Variants in LCE2C observed in about 807,000 individuals in gnomAD.
The protein encoded by LCE2C is late cornified envelope protein 2C.
For missense variants in LCE2C, 179 were observed against 141.3 expected (o/e 1.27, Z -1.35); for synonymous variants, 57 against 51.0 (o/e 1.12, Z -0.50).
rs773484222 is a variant in LCE2C, at chr1:152,676,357, A to G, written c.*9A>G. The G allele has an allele frequency of 9.4e-6, 15 of 1,602,634 alleles. No individual in the cohort carries two copies. The South Asian group carries it at 1.0e-4, about 11-fold the overall frequency. On this transcript the variant is annotated 3_prime_UTR_variant, in exon 2 of 2. Transcript: ENST00000368783. ...CTGGGGGCTGCTGCTGACCTGGGCT[A>G]CAGAAGAGCTCTTGGGACTGAATGG...
intron 1 of LCE2C, 34 bp from the exon 2 acceptor site, chr1:152,675,961 G>C: frequency 6.3e-7 from 1 of 1,593,802 alleles, no homozygotes. Context: ...TCCTTGGTTT[G>C]AAATATTTAA....
At chr1:152,675,820 A>T (rs1038936971) in intron 1 of LCE2C, among the ~76,000 whole-genome samples, 175 bp from the exon 2 acceptor site, 3 of 152,114 alleles carry the variant, frequency 2.0e-5, no homozygotes, top group African/African-American at 7.2e-5. Context: ...CATTCTGTTG[A>T]TTTTTTATCT....
At chr1:152,675,582 G>T (rs1426878200) in intron 1 of LCE2C, among the ~76,000 whole-genome samples, 1 of 152,152 alleles carries the variant, frequency 6.6e-6, no homozygotes, top group African/African-American at 2.4e-5. Context: ...GCTGTGTTGG[G>T]CATATTTACA....
Position 152,676,102 on chromosome 1 carries a change from C to T in LCE2C, c.87C>T (p.Pro29=), listed in dbSNP as rs1350311584. The part of the protein sequence containing the change: ...KCTPKCPPKC[P]PKCPPQCPAP... ...CCCCAAAATGTCCACCTAAGTGTCC[C>T]CCCAAATGCCCACCACAGTGCCCAG... Residue 29 remains proline (P), a synonymous_variant, in exon 2 of 2, where the codon CCC becomes CCT. Transcript: ENST00000368783. The T allele has an allele frequency of 6.2e-6, 10 of 1,614,086 alleles. No homozygotes were observed. The highest frequency in any genetic ancestry group is 8.5e-6 in the Non-Finnish European group (10 of 1,180,052).
chr1:152,675,284 C>T lies in LCE2C; in HGVS notation c.-66C>T, dbSNP rs959195288. ...ACATCCAGCTTCAGCATCTCATCTG[C>T]TCTGACTCCCCAGGGACGTGTCTGT... On this transcript the variant is annotated 5_prime_UTR_variant, in exon 1 of 2. Transcript: ENST00000368783. The T allele has an allele frequency of 6.6e-6, 1 of 152,470 alleles. No individual in the cohort carries two copies. The highest frequency in any genetic ancestry group is 1.9e-4 in the East Asian group (1 of 5,188). 9.4% of individuals were successfully genotyped at this position (152,470 alleles called of 1,614,324 possible).
Position 152,676,247 on chromosome 1 carries a change from C to A in LCE2C, c.232C>A (p.Pro78Thr), listed in dbSNP as rs767003504. Residue 78 changes from proline to threonine, a missense_variant, in exon 2 of 2, where the codon CCC becomes ACC. Pro to Thr is a conservative substitution (Grantham distance 38). Coordinates refer to ENST00000368783, the MANE Select transcript of LCE2C (RefSeq NM_178429.5). ...AGGCSLSHHR[P>T]RLFHRRRHQS... The stretch of plus-strand genomic sequence containing the variant: ...TGGCTGCTCCCTGAGCCACCACAGG[C>A]CCCGTCTCTTCCACCGGCGCCGGCA... 2 of 1,613,722 alleles carry A rather than the reference C, an allele frequency of 1.2e-6. No individual in the cohort carries two copies. Among genetic ancestry groups the A allele is most frequent in the East Asian group, 4.5e-5 (2 of 44,864 alleles).
chr1:152,676,091 C>T lies in LCE2C; in HGVS notation c.76C>T (p.Pro26Ser). The T allele has an allele frequency of 3.7e-6, 6 of 1,614,182 alleles. No homozygotes were observed. The highest frequency in any genetic ancestry group is 4.2e-6 in the Non-Finnish European group (5 of 1,180,020). Residue 26 changes from proline to serine, a missense_variant, in exon 2 of 2, where the codon CCT becomes TCT. Coordinates refer to ENST00000368783, the MANE Select transcript of LCE2C (RefSeq NM_178429.5). ...TCCCAAGTGTACCCCAAAATGTCCA[C>T]CTAAGTGTCCCCCCAAATGCCCACC... is the stretch of plus-strand genomic sequence containing the variant. Reference protein sequence around the residue: ...CPPKCTPKCPPKCPPKCPPQC... With the variant: ...CPPKCTPKCPSKCPPKCPPQC...
rs1648836499 is a variant in LCE2C, at chr1:152,676,006, T to C, written c.-10T>C. The C allele has an allele frequency of 1.2e-6, 2 of 1,613,288 alleles. No individual in the cohort carries two copies. The highest frequency in any genetic ancestry group is 2.7e-5 in the African/African-American group (2 of 74,276). On this transcript the variant is annotated 5_prime_UTR_variant, in exon 2 of 2. Transcript: ENST00000368783. ...TTATTATCTTTCAGGTTGACTAAACTCCTGCCAGCATGTCTTGCCAGCAAA... is the reference window on the plus strand; with the variant it reads ...TTATTATCTTTCAGGTTGACTAAACCCCTGCCAGCATGTCTTGCCAGCAAA...
chr1:152,675,493 C>T (rs1648822257), intron 1 of LCE2C, among the ~76,000 whole-genome samples, 165 bp downstream of exon 1: 1 of 152,194 alleles, frequency 6.6e-6, no homozygotes, highest in Non-Finnish European at 1.5e-5. Flanking sequence ...TACCGGAGCT[C>T]ATATAGGTGG....
chr1:152,675,749 C>A (rs1648828976), intron 1 of LCE2C, among the ~76,000 whole-genome samples: 1 of 152,170 alleles, frequency 6.6e-6, no homozygotes, highest in Non-Finnish European at 1.5e-5. Flanking sequence ...TGTGAATACT[C>A]TATTCGGGCT....
At chr1:152,675,855 T>C (rs1648831552) in intron 1 of LCE2C, 140 bp from the exon 2 acceptor site, 2 of 1,017,926 alleles carry the variant, frequency 2.0e-6, no homozygotes, top group African/African-American at 1.6e-5. Flanking sequence ...AGAGGAAAGA[T>C]TCAAGTTGTT....
rs139225775 is a variant in LCE2C at position 152,676,307 on chromosome 1, G to T, written c.292G>T (p.Gly98Trp). The T allele has an allele frequency of 5.2e-5, 84 of 1,613,268 alleles. No individual in the cohort carries two copies. In the African/African-American group the frequency reaches 1.0e-3, roughly 19 times the overall value. Residue 98 changes from glycine (G) to tryptophan (W), a missense_variant, in exon 2 of 2, where the codon GGG (glycine) becomes TGG (tryptophan). Gly to Trp is a radical substitution (Grantham distance 184, BLOSUM62 -2). Coordinates refer to ENST00000368783, the MANE Select transcript of LCE2C (RefSeq NM_178429.5). ...CGACTGCTGTGAGAGTGAACCTTCT[G>T]GGGGCTCTGGCTGCTGCCACAGCTC... ...SPDCCESEPS[G>W]GSGCCHSSGG...
rs1459014096 is a variant in LCE2C at position 152,676,425 on chromosome 1, T to C, written c.*77T>C. The C allele has an allele frequency of 6.6e-7, 1 of 1,518,200 alleles. No homozygotes were observed. Among genetic ancestry groups the C allele is most frequent in the Non-Finnish European group, 8.8e-7 (1 of 1,134,954 alleles). The allele number at this position is 1,518,200 out of a possible 1,614,324, so 94.0% of individuals were successfully genotyped here. ...CCTGATGGATACTCTTTCCACTTCC[T>C]CTCATTCCATTCATTGGTTGGCAGA... On this transcript the variant is annotated 3_prime_UTR_variant, in exon 2 of 2. Coordinates refer to ENST00000368783, the MANE Select transcript of LCE2C (RefSeq NM_178429.5).
rs908743649 is a variant in LCE2C, at chr1:152,675,915, T to C, written c.-21-80T>C. The C allele has an allele frequency of 3.5e-6, 5 of 1,410,334 alleles. No individual in the cohort carries two copies. In the Admixed American group the frequency reaches 6.1e-5, roughly 17 times the overall value. The allele number at this position is 1,410,334 out of a possible 1,614,324, so 87.4% of individuals were successfully genotyped here. ...TATTATCTAAATATCATTCTTCTTC[T>C]ACACATGCATTGATTTTAGAAGAGG... On this transcript the variant is annotated intron_variant, in intron 1 of 1. Coordinates refer to ENST00000368783, the MANE Select transcript of LCE2C (RefSeq NM_178429.5).
In LCE2C at chr1:152,675,833, G is replaced by A. The variant is rs997565802; in HGVS notation, c.-21-162G>A. 3.9e-5 allele frequency among the ~76,000 whole-genome samples: 6 copies of A among 152,242 alleles called. No individual in the cohort carries two copies. The South Asian group carries it at 6.2e-4, about 16-fold the overall frequency. On this transcript the variant is annotated intron_variant, in intron 1 of 1. Transcript: ENST00000368783. Reference sequence around the variant, plus strand: ...CTCATTCTGTTGATTTTTTATCTACGTACTTTTATCTAGAGGAAAGATTCA... The same window carrying A: ...CTCATTCTGTTGATTTTTTATCTACATACTTTTATCTAGAGGAAAGATTCA...
rs370841976 is a variant in LCE2C, at chr1:152,676,387, G to T, written c.*39G>T. 2 of 1,564,618 alleles carry T rather than the reference G, an allele frequency of 1.3e-6. No homozygotes were observed. The highest frequency in any genetic ancestry group is 1.9e-5 in the Admixed American group (1 of 51,570). On this transcript the variant is annotated 3_prime_UTR_variant, in exon 2 of 2. Coordinates refer to ENST00000368783, the MANE Select transcript of LCE2C (RefSeq NM_178429.5). ...AGAGCTCTTGGGACTGAATGGCCAA[G>T]AACCTGCTACGGCCTGATGGATACT... is the stretch of plus-strand genomic sequence containing the variant.
rs188919173 is a variant in LCE2C, at chr1:152,675,487, G to A, written c.-22+159G>A. Among the ~76,000 whole-genome samples the A allele has an allele frequency of 1.6e-3, 246 of 152,308 alleles. 2 individuals carry two copies. The highest frequency in any genetic ancestry group is 5.7e-3 in the African/African-American group (236 of 41,556). On this transcript the variant is annotated intron_variant, in intron 1 of 1. Coordinates refer to ENST00000368783, the MANE Select transcript of LCE2C (RefSeq NM_178429.5). ...ATCTGTTGAGGCTCTGAGGCCTACCGGAGCTCATATAGGTGGGGAAAGCTA... is the reference window on the plus strand; with the variant it reads ...ATCTGTTGAGGCTCTGAGGCCTACCAGAGCTCATATAGGTGGGGAAAGCTA...
rs1442895537 is a variant in LCE2C, at chr1:152,675,328, G to A, written c.-22G>A. ...TGTCTGTGCTCCTGCGTGTGACCAG[G>A]GTGAGTGGCAACCTGGGATACCAGA... is the stretch of plus-strand genomic sequence containing the variant. On this transcript the variant is annotated splice_region_variant and 5_prime_UTR_variant, in exon 1 of 2. Transcript: ENST00000368783. 1 of 152,488 alleles carries A rather than the reference G, an allele frequency of 6.6e-6. No homozygotes were observed. Among genetic ancestry groups the A allele is most frequent in the African/African-American group, 2.4e-5 (1 of 41,432 alleles). The allele number at this position is 152,488 out of a possible 1,614,324, so 9.4% of individuals were successfully genotyped here. A position where few individuals can be genotyped will look rare whatever the true frequency, so the allele number is the denominator to read the frequency against.
In LCE2C at chr1:152,676,199, G is replaced by T; in HGVS notation, c.184G>T (p.Gly62Cys). Residue 62 changes from glycine (G) to cysteine (C), a missense_variant, in exon 2 of 2, where the codon GGC (glycine) becomes TGC (cysteine). Gly to Cys is a radical substitution (Grantham distance 159). Transcript: ENST00000368783. ...GAGCTGCTGTGGTCCCAGCTCTGGG[G>T]GCTGCTGCAGCTCTGGGGCTGGTGG... is the stretch of plus-strand genomic sequence containing the variant. ...SGSCCGPSSGGCCSSGAGGCS... is the reference protein window; with the variant it reads ...SGSCCGPSSGCCCSSGAGGCS... 6.2e-7 allele frequency: 1 copy of T among 1,614,056 alleles called. No homozygotes were observed. Among genetic ancestry groups the T allele is most frequent in the Non-Finnish European group, 8.5e-7 (1 of 1,180,000 alleles).
Sources: gnomAD v4.1 joint callset for allele counts (sites outside exome capture counted in the v4.1 genomes callset) on GRCh38, gnomAD v4.1.1 for gene constraint, MANE v1.5 for transcripts, NCBI Gene and HGNC (gene_info 2026-07-23, HGNC 2026-07-21) for gene names.